CTNNA2: variants seen among roughly 807,000 people sequenced by gnomAD.
CTNNA2 encodes catenin alpha 2.
A neutral mutation model predicts 101.0 loss-of-function variants in CTNNA2; 42 were observed. That is an observed-to-expected ratio of 0.42 (90% CI 0.32 to 0.54). The LOEUF is 0.54. CTNNA2 is among the 20% of genes least tolerant of loss of function. The pLI, the probability that CTNNA2 is intolerant of heterozygous loss-of-function variation, is 0.14. For missense variants in CTNNA2, 871 were observed against 1,223.1 expected, an observed-to-expected ratio of 0.71 and a Z score of 4.29; for synonymous variants, 450 against 456.4, an observed-to-expected ratio of 0.99 and a Z score of 0.18.
At chr2:79,791,193 C>A (rs1237109771) in intron 3 of CTNNA2, among the ~76,000 whole-genome samples, 1 of 152,112 alleles carries the variant, frequency 6.6e-6, no homozygotes, top group Non-Finnish European at 1.5e-5. Flanking sequence ...AAAGGCCATT[C>A]AAGATCTGTT....
intron 7 of CTNNA2, among the ~76,000 whole-genome samples, chr2:80,220,297 G>T (rs1184466419): frequency 6.6e-6 from 1 of 152,196 alleles, no homozygotes; most frequent in Non-Finnish European, 1.5e-5. Context: ...GAATATTTTT[G>T]ACACACTCAG....
intron 8 of CTNNA2, among the ~76,000 whole-genome samples, chr2:80,412,144 A>T (rs1679635945): frequency 6.6e-6 from 1 of 152,070 alleles, no homozygotes; most frequent in Non-Finnish European, 1.5e-5. Context: ...ACTCCCTGGG[A>T]CCCTGAGGCA....
At chr2:80,375,051 A>C (rs1573881167) in intron 7 of CTNNA2, among the ~76,000 whole-genome samples, 1 of 152,286 alleles carries the variant, frequency 6.6e-6, no homozygotes, top group East Asian at 1.9e-4. Flanking sequence ...TCCCCACCCC[A>C]GGCGAGCACA....
At chr2:79,497,070 A>G (rs890687071) in intron 4 of CTNNA2, among the ~76,000 whole-genome samples, 3 of 152,214 alleles carry the variant, frequency 2.0e-5, no homozygotes, top group Admixed American at 2.0e-4. Context: ...ATTAGTTGTC[A>G]ACATTTTAAA....
At chr2:80,614,749 C>T (rs1259379624) in intron 17 of CTNNA2, among the ~76,000 whole-genome samples, 1 of 151,426 alleles carries the variant, frequency 6.6e-6, no homozygotes, top group Non-Finnish European at 1.5e-5. Context: ...AAGCTACCCT[C>T]TCCCCAGTTT....
intron 2 of CTNNA2, among the ~76,000 whole-genome samples, chr2:79,714,962 G>A (rs1036594223): frequency 6.6e-5 from 10 of 151,020 alleles, no homozygotes; most frequent in African/African-American, 2.0e-4. Flanking sequence ...AGGCCAAGGC[G>A]GGCAGGTCAC....
intron 7 of CTNNA2, among the ~76,000 whole-genome samples, chr2:80,203,198 C>T (rs1300332662): frequency 6.6e-6 from 1 of 152,146 alleles, no homozygotes; most frequent in Non-Finnish European, 1.5e-5. Context: ...GTCATTCTGT[C>T]CCTGGCCCCT....
chr2:79,660,780 T>C (rs1681981226), intron 2 of CTNNA2, among the ~76,000 whole-genome samples: 1 of 152,148 alleles, frequency 6.6e-6, no homozygotes, highest in Non-Finnish European at 1.5e-5. Flanking sequence ...TATGGCCAGC[T>C]GTGTTGGCCA....
chr2:79,704,297 C>G (rs1685200909), intron 2 of CTNNA2, among the ~76,000 whole-genome samples: 1 of 152,100 alleles, frequency 6.6e-6, no homozygotes, highest in Non-Finnish European at 1.5e-5. Flanking sequence ...GACTTCTTTT[C>G]TTCCTTTATT....
chr2:79,350,479 G>A (rs1677362349), intron 3 of CTNNA2, among the ~76,000 whole-genome samples: 1 of 151,968 alleles, frequency 6.6e-6, no homozygotes. Context: ...TCTTTTTTAT[G>A]GTTGCATAGT....
intron 17 of CTNNA2, among the ~76,000 whole-genome samples, chr2:80,611,006 G>T (rs940511182): frequency 1.4e-5 from 2 of 146,634 alleles, no homozygotes; most frequent in East Asian, 2.0e-4. Context: ...TGGCAATTAG[G>T]TTTTTTTTTT....
chr2:80,628,090 A>G (rs1348055124), intron 18 of CTNNA2, among the ~76,000 whole-genome samples: 1 of 152,118 alleles, frequency 6.6e-6, no homozygotes, highest in African/African-American at 2.4e-5. Context: ...AGAACTACAA[A>G]CCACTGCTCA....
intron 5 of CTNNA2, among the ~76,000 whole-genome samples, chr2:79,873,509 A>C (rs1212879407): frequency 6.6e-6 from 1 of 152,140 alleles, no homozygotes; most frequent in Non-Finnish European, 1.5e-5. Context: ...GAAAGGGGAC[A>C]CAGCTTAGAA....
At chr2:80,577,042 G>A (rs146999069) in intron 13 of CTNNA2, among the ~76,000 whole-genome samples, 1 of 152,062 alleles carries the variant, frequency 6.6e-6, no homozygotes, top group South Asian at 2.1e-4. Flanking sequence ...GCCTCTTAAG[G>A]TGTCTAGTTT....
At chr2:80,084,089 G>A (rs1699307870) in intron 7 of CTNNA2, among the ~76,000 whole-genome samples, 1 of 152,086 alleles carries the variant, frequency 6.6e-6, no homozygotes, top group Non-Finnish European at 1.5e-5. Flanking sequence ...ACCTCCTTAG[G>A]TAGACCTGCA....
chr2:79,653,203 T>G lies in CTNNA2; in HGVS notation c.102+1545T>G, dbSNP rs560072857. 3.1e-3 allele frequency among the ~76,000 whole-genome samples: 477 copies of G among 152,330 alleles called. 5 individuals carry two copies. The highest frequency in any genetic ancestry group is 2.5e-3 in the Non-Finnish European group (170 of 68,028). On this transcript the variant is annotated intron_variant, in intron 2 of 18. Transcript: ENST00000402739. ...TCCTCTGTGGCTTGAGTCTGCTCTC[T>G]GGGCCTAGTTCAGAATTATTTCTTC...
At chr2:80,248,456 TCTAA>T (rs1671503852) in intron 7 of CTNNA2, among the ~76,000 whole-genome samples, 1 of 152,238 alleles carries the variant, frequency 6.6e-6, no homozygotes, top group Non-Finnish European at 1.5e-5. Context: ...GGCTGTAACA[TCTAA>T]CTAAGGGTTT....
chr2:79,206,302 A>T (rs1167623764), intron 2 of CTNNA2, among the ~76,000 whole-genome samples: 2 of 151,890 alleles, frequency 1.3e-5, no homozygotes, highest in Non-Finnish European at 2.9e-5. Context: ...AAAAAAAAAG[A>T]ACCTGACTAG....
chr2:80,115,329 CA>C (rs1701449804), intron 7 of CTNNA2, among the ~76,000 whole-genome samples: 1 of 152,186 alleles, frequency 6.6e-6, no homozygotes, highest in East Asian at 1.9e-4. Flanking sequence ...ACTATTTTAA[CA>C]GACATGGTAT....
Sources: gnomAD v4.1 joint callset for allele counts (sites outside exome capture counted in the v4.1 genomes callset) on GRCh38, gnomAD v4.1.1 for gene constraint, MANE v1.5 for transcripts, NCBI Gene and HGNC (gene_info 2026-07-23, HGNC 2026-07-21) for gene names.